SRP9: variants seen among roughly 807,000 people sequenced by gnomAD.
The protein encoded by SRP9 is signal recognition particle 9 kDa protein.
In SRP9, 2 loss-of-function variants were observed where a neutral mutation model predicts 11.7. The observed-to-expected ratio is 0.17, with a 90% CI of 0.07 to 0.54. The LOEUF (loss-of-function observed/expected upper bound fraction) is 0.54, where lower values mean the gene tolerates loss of function less well. Ranked by LOEUF, SRP9 falls within the 20% of genes least tolerant of loss-of-function variation. The pLI is 0.94. For synonymous variants in SRP9, 27 were observed against 35.6 expected (o/e 0.76, Z 0.86); for missense variants, 54 against 108.1 (o/e 0.50, Z 2.22).
Position 225,785,870 on chromosome 1 carries a change from A to G in SRP9, c.141+2502A>G, listed in dbSNP as rs183606631. On this transcript the variant is annotated intron_variant, in intron 2 of 2. Coordinates refer to ENST00000304786, the MANE Select transcript of SRP9 (RefSeq NM_003133.6). ...GCTAATTTTTGTATTTTTAGTAGAG[A>G]TGAGATTTCACCATGTCGCCCAGGC... is the stretch of plus-strand genomic sequence containing the variant. Among the ~76,000 whole-genome samples the G allele has an allele frequency of 3.6e-4, 55 of 151,836 alleles. 1 individual carries two copies. In the East Asian group the frequency reaches 1.0e-2, roughly 28 times the overall value.
chr1:225,779,496 AT>A (rs1665753631), intron 1 of SRP9, among the ~76,000 whole-genome samples: 2 of 152,168 alleles, frequency 1.3e-5, no homozygotes, highest in Admixed American at 1.3e-4. Context: ...AGTAATATGA[AT>A]TATGTTTTAA....
At chr1:225,783,217 C>T in intron 1 of SRP9, 83 bp from the exon 2 acceptor site, 7 of 1,068,320 alleles carry the variant, frequency 6.6e-6, no homozygotes, top group Non-Finnish European at 9.8e-6. Flanking sequence ...TAAAAGGATC[C>T]TTTTCAGCCT....
Position 225,786,928 on chromosome 1 carries a change from G to C in SRP9, c.142-2312G>C, listed in dbSNP as rs749072051. On this transcript the variant is annotated intron_variant, in intron 2 of 2. Transcript: ENST00000304786. Reference sequence around the variant, plus strand: ...CATGATCATAGCTCACTGCATCCTCGACCTCCTGGGCTCAAGCGGTCCTCT... The same window carrying C: ...CATGATCATAGCTCACTGCATCCTCCACCTCCTGGGCTCAAGCGGTCCTCT... 6.4e-5 allele frequency: 50 copies of C among 775,792 alleles called. No homozygotes were observed. In the African/African-American group the frequency reaches 8.4e-4, roughly 13 times the overall value. The allele number at this position is 775,792 out of a possible 1,614,324, so 48.1% of individuals were successfully genotyped here.
chr1:225,784,496 G>A (rs575724133), intron 2 of SRP9, among the ~76,000 whole-genome samples: 4 of 150,040 alleles, frequency 2.7e-5, no homozygotes, highest in African/African-American at 9.8e-5. Flanking sequence ...TGATCCACCC[G>A]TCTCGGCCTC....
intron 1 of SRP9, among the ~76,000 whole-genome samples, chr1:225,780,762 A>C (rs1665778724): frequency 6.6e-6 from 1 of 152,180 alleles, no homozygotes; most frequent in South Asian, 2.1e-4. Flanking sequence ...TTCTCTCCGC[A>C]ACACATTTAA....
Sources: gnomAD v4.1 joint callset for allele counts (sites outside exome capture counted in the v4.1 genomes callset) on GRCh38, gnomAD v4.1.1 for gene constraint, MANE v1.5 for transcripts, NCBI Gene and HGNC (gene_info 2026-07-23, HGNC 2026-07-21) for gene names.